Variants in PSMD11 observed in about 807,000 individuals in gnomAD.
PSMD11 encodes the protein 26S proteasome non-ATPase regulatory subunit 11.
PSMD11 carries 5 observed loss-of-function variants against 62.3 expected under a neutral mutation model. The ratio of observed to expected loss-of-function variants is 0.08; its 90% confidence interval spans 0.04 to 0.17. The LOEUF is 0.17. Among genes scored for constraint, PSMD11 ranks in the 10% least tolerant of loss-of-function variants. PSMD11 has a pLI of 1.00. For synonymous variants in PSMD11, 191 were observed against 191.8 expected (o/e 1.00, Z 0.03); for missense variants, 310 against 512.9 (o/e 0.60, Z 3.82).
chr17:32,449,981 G>A (rs1907441091), intron 2 of PSMD11, among the ~76,000 whole-genome samples: 1 of 152,204 alleles, frequency 6.6e-6, no homozygotes, highest in African/African-American at 2.4e-5. Context: ...AGTAGTGTTA[G>A]TAGTGTTGAG....
chr17:32,444,812 A>G, intron 1 of PSMD11, 198 bp downstream of exon 1: 1 of 615,362 alleles, frequency 1.6e-6, no homozygotes, highest in South Asian at 2.1e-5. Context: ...GCTTGAGGCA[A>G]TCCCCGGGTC....
In PSMD11 at chr17:32,480,863, GT is replaced by G. The variant is rs1196012544; in HGVS notation, c.*116del. The G allele has an allele frequency of 2.2e-6, 1 of 454,354 alleles. No homozygotes were observed. The highest frequency in any genetic ancestry group is 3.8e-6 in the Non-Finnish European group (1 of 264,792). The allele number at this position is 454,354 out of a possible 1,614,324, so 28.1% of individuals were successfully genotyped here. On this transcript the variant is annotated 3_prime_UTR_variant, in exon 14 of 14. Transcript: ENST00000261712. ...TTTTGTTCTACTTTTCGCTCGGAAA[GT>G]TTTTAAATCCTCATTTGGTGCATCT...
chr17:32,444,670 G>A, intron 1 of PSMD11, 56 bp downstream of exon 1: 1 of 1,597,664 alleles, frequency 6.3e-7, no homozygotes, highest in Non-Finnish European at 8.5e-7. Flanking sequence ...GCTTATGTCG[G>A]TCGGCGGCAG....
Position 32,480,558 on chromosome 17 carries a change from C to G in PSMD11, c.1196C>G (p.Ala399Gly). 6.2e-7 allele frequency: 1 copy of G among 1,614,050 alleles called. No homozygotes were observed. The change falls in exon 13 of 14, where the codon GCT becomes GGT. Residue 399 changes from alanine to glycine, a missense_variant. Transcript: ENST00000261712. ...DEPPVDKTYE[A>G]ALETIQNMSK... ...CCCCCAGTAGATAAAACTTACGAAGCTGCTCTGGAAACAATTCAGAACATG... is the reference window on the plus strand; with the variant it reads ...CCCCCAGTAGATAAAACTTACGAAGGTGCTCTGGAAACAATTCAGAACATG...
rs1242828684 is a variant in PSMD11, at chr17:32,477,587, A to G, written c.912+4A>G. On this transcript the variant is annotated splice_donor_region_variant and intron_variant, in intron 9 of 13. Coordinates refer to ENST00000261712, the MANE Select transcript of PSMD11 (RefSeq NM_002815.4). ...ATCACTGGCAGATTTTGAAAAGGTG[A>G]GTATGATATTGGGTTGGTATGGAAT... The G allele has an allele frequency of 1.2e-6, 2 of 1,606,680 alleles. No individual in the cohort carries two copies. The highest frequency in any genetic ancestry group is 2.2e-5 in the East Asian group (1 of 44,810).
intron 3 of PSMD11, chr17:32,463,554 C>A (rs891571202): frequency 3.2e-5 from 5 of 158,240 alleles, no homozygotes; most frequent in African/African-American, 9.6e-5. Flanking sequence ...TGATTAGTTG[C>A]ACTGCTTAGA....
At chr17:32,476,272 A>G (rs952760858) in intron 8 of PSMD11, among the ~76,000 whole-genome samples, 1 of 152,150 alleles carries the variant, frequency 6.6e-6, no homozygotes, top group Non-Finnish European at 1.5e-5. Context: ...GTCTTAAAAA[A>G]TAATAAATAA....
chr17:32,452,954 G>A (rs1907551640), intron 2 of PSMD11, among the ~76,000 whole-genome samples: 2 of 152,180 alleles, frequency 1.3e-5, no homozygotes, highest in Non-Finnish European at 2.9e-5. Flanking sequence ...TGGATAAAGG[G>A]AAAATTAGGG....
In PSMD11 at chr17:32,445,912, C is replaced by T. The variant is rs993189938; in HGVS notation, c.92-1033C>T. 5 of 152,314 alleles carry T rather than the reference C, an allele frequency of 3.3e-5. 1 individual carries two copies. In the South Asian group the frequency reaches 1.0e-3, roughly 32 times the overall value. The allele number at this position is 152,314 out of a possible 1,614,324, so 9.4% of individuals were successfully genotyped here. ...AGTTCTGATCTTAGGTCAGTTACTT[C>T]TACGGAACCAGAGTCATCTCAATCA... is the stretch of plus-strand genomic sequence containing the variant. On this transcript the variant is annotated intron_variant, in intron 1 of 13. Transcript: ENST00000261712.
intron 3 of PSMD11, among the ~76,000 whole-genome samples, chr17:32,457,021 C>T (rs891628889): frequency 6.6e-6 from 1 of 152,148 alleles, no homozygotes; most frequent in Non-Finnish European, 1.5e-5. Flanking sequence ...CATTCAAGTG[C>T]TCTGCTATAG....
intron 6 of PSMD11, among the ~76,000 whole-genome samples, chr17:32,471,735 T>G (rs1010112646): frequency 1.3e-5 from 2 of 152,198 alleles, no homozygotes; most frequent in African/African-American, 4.8e-5. Flanking sequence ...GTATGTGTTT[T>G]TCAGGTCCCT....
At chr17:32,472,453 C>T (rs116089546) in intron 6 of PSMD11, among the ~76,000 whole-genome samples, 107 of 150,320 alleles carry the variant, frequency 7.1e-4, no homozygotes, top group African/African-American at 2.4e-3. Context: ...GATCTCCTGA[C>T]CCTCAAGTGA....
intron 3 of PSMD11, among the ~76,000 whole-genome samples, chr17:32,456,069 G>A (rs1279715022): frequency 1.3e-5 from 2 of 150,718 alleles, no homozygotes; most frequent in African/African-American, 2.4e-5. Flanking sequence ...GCGTGAACCC[G>A]GGAGGCGGAG....
At chr17:32,472,975 C>G (rs1347035598) in intron 6 of PSMD11, among the ~76,000 whole-genome samples, 3 of 150,814 alleles carry the variant, frequency 2.0e-5, no homozygotes, top group African/African-American at 7.3e-5. Flanking sequence ...GGCGAACATA[C>G]GGTGAAACCA....
chr17:32,462,325 C>G (rs1226694309), intron 3 of PSMD11, among the ~76,000 whole-genome samples: 6 of 152,176 alleles, frequency 3.9e-5, no homozygotes, highest in Non-Finnish European at 1.5e-5. Flanking sequence ...TAAGACTATT[C>G]AGAGAAATAT....
At chr17:32,479,771 C>T (rs1908435693) in intron 10 of PSMD11, 80 bp from the exon 11 acceptor site, 3 of 1,488,546 alleles carry the variant, frequency 2.0e-6, no homozygotes, top group East Asian at 2.3e-5. Context: ...TACAGCAGTT[C>T]TCCCCCTGTT....
rs1328308785 is a variant in PSMD11, at chr17:32,480,993, T to G, written c.*241T>G. On this transcript the variant is annotated 3_prime_UTR_variant, in exon 14 of 14. Transcript: ENST00000261712. ...AAAAGAAAAAGAAAAAAAAAAAGATTATTCTAAATAAAAGGAAAAAGGCTT... is the reference window on the plus strand; with the variant it reads ...AAAAGAAAAAGAAAAAAAAAAAGATGATTCTAAATAAAAGGAAAAAGGCTT... 3 of 172,160 alleles carry G rather than the reference T, an allele frequency of 1.7e-5. No homozygotes were observed. The highest frequency in any genetic ancestry group is 2.5e-5 in the Non-Finnish European group (2 of 80,958). The allele number at this position is 172,160 out of a possible 1,614,324, so 10.7% of individuals were successfully genotyped here. A position where few individuals can be genotyped will look rare whatever the true frequency, so the allele number is the denominator to read the frequency against.
At chr17:32,461,001 A>C (rs140277400) in intron 3 of PSMD11, among the ~76,000 whole-genome samples, 2 of 152,246 alleles carry the variant, frequency 1.3e-5, no homozygotes, top group South Asian at 2.1e-4. Context: ...AGTGAACTCA[A>C]CTTTCCTTCC....
chr17:32,448,392 G>A (rs1473977076), intron 2 of PSMD11, among the ~76,000 whole-genome samples: 1 of 151,400 alleles, frequency 6.6e-6, no homozygotes, highest in Non-Finnish European at 1.5e-5. Flanking sequence ...TTGAGACAGA[G>A]TTTTGCTCTT....
Sources: gnomAD v4.1 joint callset for allele counts (sites outside exome capture counted in the v4.1 genomes callset) on GRCh38, gnomAD v4.1.1 for gene constraint, MANE v1.5 for transcripts, NCBI Gene and HGNC (gene_info 2026-07-23, HGNC 2026-07-21) for gene names.